The following RB1CC1 variants were observed in gnomAD, a reference collection of about 807,000 sequenced individuals.
The protein encoded by RB1CC1 is RB1 inducible coiled-coil 1, also known as RB1-inducible coiled-coil protein 1.
Under a neutral mutation model 177.5 loss-of-function variants are expected in RB1CC1, and 46 were observed. The ratio of observed to expected loss-of-function variants is 0.26; its 90% confidence interval spans 0.20 to 0.33. The LOEUF is 0.33. RB1CC1 is among the 10% of genes least tolerant of loss of function. RB1CC1 has a pLI of 1.00. For synonymous variants in RB1CC1, 666 were observed against 613.6 expected (o/e 1.09, Z -1.26); for missense variants, 1,703 against 1,816.3 (o/e 0.94, Z 1.13).
At position 52,656,187 on chromosome 8, in the gene RB1CC1, T is replaced by A; in HGVS notation, c.3642A>T (p.Lys1214Asn). 2 of 1,613,788 alleles carry A rather than the reference T, an allele frequency of 1.2e-6. No individual in the cohort carries two copies. The highest frequency in any genetic ancestry group is 1.7e-6 in the Non-Finnish European group (2 of 1,179,834). The change falls in exon 15 of 24, where the codon AAA (lysine) becomes AAT (asparagine). Residue 1214 changes from lysine to asparagine, a missense_variant. Coordinates refer to ENST00000025008, the MANE Select transcript of RB1CC1 (RefSeq NM_014781.5). ...GGCTGCTGACCAATTTTTGTCTGTCTTTCTCAAGGTTCTGGATAATAGCTT... is the reference window on the plus strand; with the variant it reads ...GGCTGCTGACCAATTTTTGTCTGTCATTCTCAAGGTTCTGGATAATAGCTT... The part of the protein sequence containing the change: ...KYEAIIQNLE[K>N]DRQKLVSSQE...
At chr8:52,688,276 T>C (rs1400407110) in intron 1 of RB1CC1, among the ~76,000 whole-genome samples, 2 of 152,232 alleles carry the variant, frequency 1.3e-5, no homozygotes, top group South Asian at 2.1e-4. Context: ...ATTTTTCTTC[T>C]TGTAGAGAGC....
At chr8:52,662,182 C>T (rs1287035833) in intron 8 of RB1CC1, among the ~76,000 whole-genome samples, 2 of 152,004 alleles carry the variant, frequency 1.3e-5, no homozygotes, top group Non-Finnish European at 2.9e-5. Context: ...AAAGTCACTG[C>T]CCTCTCCAGT....
At chr8:52,664,582 A>T (rs2150515311) in intron 8 of RB1CC1, among the ~76,000 whole-genome samples, 1 of 152,330 alleles carries the variant, frequency 6.6e-6, no homozygotes. Context: ...TTGAAAGAGG[A>T]TGCTCTATGA....
chr8:52,678,203 C>T (rs755973439), intron 5 of RB1CC1, among the ~76,000 whole-genome samples: 4 of 151,922 alleles, frequency 2.6e-5, no homozygotes, highest in Non-Finnish European at 4.4e-5. Flanking sequence ...CGATCACCTG[C>T]GGTCAGGAGT....
At chr8:52,642,262 G>A (rs1191099147) in intron 18 of RB1CC1, 89 bp downstream of exon 18, 21 of 1,477,650 alleles carry the variant, frequency 1.4e-5, no homozygotes, top group Non-Finnish European at 1.7e-5. Context: ...TGGACAACCA[G>A]TAATGCTAAA....
In RB1CC1 at chr8:52,656,877, C is replaced by T. The variant is rs1177993388; in HGVS notation, c.2952G>A (p.Glu984=). Residue 984 remains glutamate (E), a synonymous_variant, in exon 15 of 24, where the codon GAG becomes GAA. Coordinates refer to ENST00000025008, the MANE Select transcript of RB1CC1 (RefSeq NM_014781.5). ...QLLRAELQSL[E]QSHLKELEDT... is the part of the protein sequence containing the mutation. The stretch of plus-strand genomic sequence containing the variant: ...CCTCTAATTCCTTTAGATGACTTTG[C>T]TCCAAGGACTGAAGTTCTGCCCTCA... The T allele has an allele frequency of 1.9e-6, 3 of 1,613,348 alleles. No homozygotes were observed. The highest frequency in any genetic ancestry group is 2.2e-5 in the East Asian group (1 of 44,858).
intron 1 of RB1CC1, among the ~76,000 whole-genome samples, chr8:52,709,867 G>A (rs1856910989): frequency 6.6e-6 from 1 of 152,106 alleles, no homozygotes. Context: ...ACTATTTTGG[G>A]GGCATCTAAA....
intron 5 of RB1CC1, among the ~76,000 whole-genome samples, chr8:52,682,281 C>A (rs956518310): frequency 2.0e-5 from 3 of 152,070 alleles, no homozygotes; most frequent in African/African-American, 4.8e-5. Context: ...TTGTTTTGGC[C>A]AATTTCACCT....
chr8:52,645,073 C>G (rs1057226478), intron 16 of RB1CC1, among the ~76,000 whole-genome samples: 13 of 152,292 alleles, frequency 8.5e-5, no homozygotes, highest in East Asian at 7.7e-4. Context: ...AAAGTACAAG[C>G]TCTCTAACAA....
intron 7 of RB1CC1, among the ~76,000 whole-genome samples, chr8:52,672,754 A>G (rs1852720363): frequency 6.6e-6 from 1 of 152,190 alleles, no homozygotes; most frequent in South Asian, 2.1e-4. Context: ...CAAAAAACAA[A>G]ACAAAACAAA....
intron 20 of RB1CC1, 31 bp downstream of exon 20, chr8:52,634,890 A>C (rs765679922): frequency 1.3e-6 from 2 of 1,516,150 alleles, no homozygotes; most frequent in Non-Finnish European, 1.8e-6. Context: ...TAAAAATGTT[A>C]AGACCAATTT....
chr8:52,684,044 G>A lies in RB1CC1; in HGVS notation c.72-31C>T, dbSNP rs773085579. 6 of 1,590,576 alleles carry A rather than the reference G, an allele frequency of 3.8e-6. No individual in the cohort carries two copies. The African/African-American group carries it at 8.1e-5, about 21-fold the overall frequency. ...AAAAATGAAATAAAATAAATCAGTT[G>A]TTTATATTTGCCCAATGACTTTATT... On this transcript the variant is annotated intron_variant, in intron 3 of 23. Transcript: ENST00000025008.
At position 52,660,607 on chromosome 8, in the gene RB1CC1, G is replaced by A; in HGVS notation, c.1678C>T (p.Pro560Ser). ...RLFRGLDSWP[P>S]SFCTQKPRKF... Reference sequence around the variant, plus strand: ...AAATAAATACATACACAAAAGGAAGGGGGCCAGGAGTCCAGTCCCCTAAAC... The same window carrying A: ...AAATAAATACATACACAAAAGGAAGAGGGCCAGGAGTCCAGTCCCCTAAAC... Residue 560 changes from proline to serine, a missense_variant, in exon 12 of 24, where the codon CCT (proline) becomes TCT (serine). Around this residue, in one of 6 missense-constraint regions of RB1CC1, gnomAD observed 1,169 missense variants for 1,184.7 expected, o/e 0.99. Coordinates refer to ENST00000025008, the MANE Select transcript of RB1CC1 (RefSeq NM_014781.5). 6.3e-7 allele frequency: 1 copy of A among 1,585,900 alleles called. No homozygotes were observed. The highest frequency in any genetic ancestry group is 8.5e-7 in the Non-Finnish European group (1 of 1,170,646).
chr8:52,625,629 C>A (rs143247716), intron 22 of RB1CC1, among the ~76,000 whole-genome samples: 36 of 152,222 alleles, frequency 2.4e-4, no homozygotes, highest in African/African-American at 8.7e-4. Context: ...TACCATACAC[C>A]ATAGCTTAGC....
chr8:52,649,886 T>A (rs1850416521), intron 15 of RB1CC1, among the ~76,000 whole-genome samples: 1 of 152,210 alleles, frequency 6.6e-6, no homozygotes, highest in Admixed American at 6.5e-5. Flanking sequence ...TAAACTTTAA[T>A]AATTCCAAAT....
At chr8:52,677,863 G>A (rs1231447621) in intron 5 of RB1CC1, among the ~76,000 whole-genome samples, 13 of 151,970 alleles carry the variant, frequency 8.6e-5, no homozygotes, top group Admixed American at 7.2e-4. Flanking sequence ...ATGAAAGAGA[G>A]GTGACACCCT....
chr8:52,657,971 A>C, intron 14 of RB1CC1, 27 bp downstream of exon 14: 1 of 1,613,462 alleles, frequency 6.2e-7, no homozygotes, highest in Non-Finnish European at 8.5e-7. Context: ...ACTAATGAAG[A>C]AAACTGTTTG....
chr8:52,657,734 T>G lies in RB1CC1; in HGVS notation c.2095A>C (p.Thr699Pro). The change falls in exon 15 of 24, where the codon ACG becomes CCG. Residue 699 changes from threonine to proline, a missense_variant. By Grantham distance (38) the Thr-to-Pro change is conservative. Transcript: ENST00000025008. Reference protein sequence around the residue: ...ELSPDSIDAHTFDFETIPHPN... With the variant: ...ELSPDSIDAHPFDFETIPHPN... Reference sequence around the variant, plus strand: ...TGGGGAATAGTTTCAAAATCAAACGTATGTGCATCAATACTATCTGGAGAT... The same window carrying G: ...TGGGGAATAGTTTCAAAATCAAACGGATGTGCATCAATACTATCTGGAGAT... The G allele has an allele frequency of 6.2e-7, 1 of 1,614,066 alleles. No homozygotes were observed. Among genetic ancestry groups the G allele is most frequent in the Admixed American group, 1.7e-5 (1 of 60,006 alleles).
chr8:52,645,378 AC>A (rs1328311847), intron 16 of RB1CC1, among the ~76,000 whole-genome samples: 1 of 152,188 alleles, frequency 6.6e-6, no homozygotes, highest in East Asian at 1.9e-4. Flanking sequence ...TAAATGATCT[AC>A]CCAAGATCAC....
Sources: gnomAD v4.1 joint callset for allele counts (sites outside exome capture counted in the v4.1 genomes callset) on GRCh38, gnomAD v4.1.1 for gene constraint, gnomAD v4.1.1 regional missense constraint, MANE v1.5 for transcripts, NCBI Gene and HGNC (gene_info 2026-07-23, HGNC 2026-07-21) for gene names.